CBX6: variants seen among roughly 807,000 people sequenced by gnomAD.
CBX6 encodes chromobox protein homolog 6.
CBX6 carries 7 observed loss-of-function variants against 28.4 expected under a neutral mutation model. The ratio of observed to expected loss-of-function variants is 0.25; its 90% CI spans 0.14 to 0.46. The LOEUF (loss-of-function observed/expected upper bound fraction) is 0.46, where lower values mean the gene tolerates loss of function less well. Among genes scored for constraint, CBX6 ranks in the 20% least tolerant of loss-of-function variants. The pLI, the probability that CBX6 is intolerant of heterozygous loss-of-function variation, is 0.99. For synonymous variants in CBX6, 297 were observed against 273.4 expected, an observed-to-expected ratio of 1.09 and a Z score of -0.85; for missense variants, 512 against 606.1, an observed-to-expected ratio of 0.84 and a Z score of 1.63.
Position 38,865,938 on chromosome 22 carries a change from G to A in CBX6, c.*271C>T. 7.8e-6 allele frequency: 4 copies of A among 511,814 alleles called. No homozygotes were observed. The highest frequency in any genetic ancestry group is 5.8e-5 in the South Asian group (2 of 34,626). 31.7% of individuals were successfully genotyped at this position (511,814 alleles called of 1,614,324 possible). A position where few individuals can be genotyped will look rare whatever the true frequency, so the allele number is the denominator to read the frequency against. On this transcript the variant is annotated 3_prime_UTR_variant, in exon 5 of 5. Coordinates refer to ENST00000407418, the MANE Select transcript of CBX6 (RefSeq NM_014292.5). ...CAGGTGGGATGTGGAAGGGGCAGAG[G>A]AACCCTAGTTTCTAGGGCTTTCCAG...
At position 38,871,364 on chromosome 22, in the gene CBX6, T is replaced by A. The variant is rs1436090060; in HGVS notation, c.246+116A>T. On this transcript the variant is annotated intron_variant, in intron 4 of 4. Coordinates refer to ENST00000407418, the MANE Select transcript of CBX6 (RefSeq NM_014292.5). The surrounding 1 kb of genome is among the most constrained non-coding windows in gnomAD (Gnocchi z 5.6). ...CCACCCCCTGCCCAGCTGGGGCCCC[T>A]CTGAAAAGGCCGGCCCGCTTGGGCG... is the stretch of plus-strand genomic sequence containing the variant. 1 of 1,065,650 alleles carries A rather than the reference T, an allele frequency of 9.4e-7. No individual in the cohort carries two copies. The highest frequency in any genetic ancestry group is 1.4e-6 in the Non-Finnish European group (1 of 730,334). The allele number at this position is 1,065,650 out of a possible 1,614,324, so 66.0% of individuals were successfully genotyped here. A position where few individuals can be genotyped will look rare whatever the true frequency, so the allele number is the denominator to read the frequency against.
chr22:38,871,781 A>G lies in CBX6; in HGVS notation c.114-24T>C. The G allele has an allele frequency of 6.2e-7, 1 of 1,604,256 alleles. No individual in the cohort carries two copies. The highest frequency in any genetic ancestry group is 8.5e-7 in the Non-Finnish European group (1 of 1,173,726). On this transcript the variant is annotated intron_variant, in intron 2 of 4. Coordinates refer to ENST00000407418, the MANE Select transcript of CBX6 (RefSeq NM_014292.5). The surrounding 1 kb of genome is among the most constrained non-coding windows in gnomAD (Gnocchi z 5.6). ...ACCTGCCGAGTCACAAACGCACAAA[A>G]TCAGGATGAAGACCAGAGAGGGACA...
Position 38,865,946 on chromosome 22 carries a change from G to A in CBX6, c.*263C>T. On this transcript the variant is annotated 3_prime_UTR_variant, in exon 5 of 5. Transcript: ENST00000407418. ...ATGTGGAAGGGGCAGAGGAACCCTAGTTTCTAGGGCTTTCCAGAAACCACC... is the reference window on the plus strand; with the variant it reads ...ATGTGGAAGGGGCAGAGGAACCCTAATTTCTAGGGCTTTCCAGAAACCACC... 1 of 522,598 alleles carries A rather than the reference G, an allele frequency of 1.9e-6. No individual in the cohort carries two copies. Among genetic ancestry groups the A allele is most frequent in the Non-Finnish European group, 3.4e-6 (1 of 295,786 alleles). The allele number at this position is 522,598 out of a possible 1,614,324, so 32.4% of individuals were successfully genotyped here. A position where few individuals can be genotyped will look rare whatever the true frequency, so the allele number is the denominator to read the frequency against.
Position 38,866,882 on chromosome 22 carries a change from C to T in CBX6, c.566G>A (p.Gly189Asp), listed in dbSNP as rs775344575. Residue 189 changes from glycine to aspartate, a missense_variant, in exon 5 of 5, where the codon GGC (glycine) becomes GAC (aspartate). By Grantham distance (94) the Gly-to-Asp change is moderately conservative (BLOSUM62 -1). Coordinates refer to ENST00000407418, the MANE Select transcript of CBX6 (RefSeq NM_014292.5). This position sits in a 1 kb window ranked among gnomAD's most constrained non-coding sequence, Gnocchi z 7.5. ...CAGCGCCCCGGCCCCCTGCCCGGCG[C>T]CCCCGCCGCCAGCGCCCTTGTCGAT... Reference protein sequence around the residue: ...KVIDKGAGGGGAGQGAGALAR... With the variant: ...KVIDKGAGGGDAGQGAGALAR... 5.0e-6 allele frequency: 8 copies of T among 1,597,094 alleles called. No homozygotes were observed. The highest frequency in any genetic ancestry group is 2.2e-5 in the East Asian group (1 of 44,662).
intron 4 of CBX6, 139 bp from the exon 5 acceptor site, chr22:38,867,340 G>C: frequency 1.3e-6 from 1 of 770,338 alleles, no homozygotes; most frequent in South Asian, 1.9e-5. Context: ...TGGTCTTCAT[G>C]ACCTCGACTT....
chr22:38,871,487 A>G lies in CBX6; in HGVS notation c.239T>C (p.Leu80Pro). ...GGGGCTGGGCCAGGTTACCTTCAGGAGGAAAGTTTTGGGTTTGGGTCCCCT... is the reference window on the plus strand; with the variant it reads ...GGGGCTGGGCCAGGTTACCTTCAGGGGGAAAGTTTTGGGTTTGGGTCCCCT... ...KKRGPKPKTF[L>P]LKARAQAEAL... Residue 80 changes from leucine (L) to proline (P), a missense_variant, in exon 4 of 5, where the codon CTC (leucine) becomes CCC (proline). Physicochemically the swap from Leu to Pro is moderately conservative, Grantham distance 98. Transcript: ENST00000407418. The surrounding 1 kb of genome is among the most constrained non-coding windows in gnomAD (Gnocchi z 5.6). 6.2e-7 allele frequency: 1 copy of G among 1,610,738 alleles called. No individual in the cohort carries two copies. The highest frequency in any genetic ancestry group is 8.5e-7 in the Non-Finnish European group (1 of 1,178,720).
Position 38,866,837 on chromosome 22 carries a change from G to A in CBX6, c.611C>T (p.Ser204Leu), listed in dbSNP as rs1456994775. The change falls in exon 5 of 5, where the codon TCG becomes TTG. Residue 204 changes from serine to leucine, a missense_variant. Ser to Leu is a moderately radical substitution (Grantham distance 145). Transcript: ENST00000407418. The surrounding 1 kb of genome is among the most constrained non-coding windows in gnomAD (Gnocchi z 7.5). ...GCTCTTGCCTATAACGCGGTTCCGC[G>A]AGGGGACTTTGGGGCGGGCCAGCGC... ...AGALARPKVP[S>L]RNRVIGKSKK... 2.5e-6 allele frequency: 4 copies of A among 1,611,954 alleles called. No individual in the cohort carries two copies. Among genetic ancestry groups the A allele is most frequent in the Non-Finnish European group, 3.4e-6 (4 of 1,179,154 alleles).
chr22:38,872,150 T>C lies in CBX6; in HGVS notation c.41A>G (p.Glu14Gly). ...TCGGATCCGCCGTTTGATGATGGAT[T>C]CGGCCGCGAAGACCCGCTCGCCCAC... The part of the protein sequence containing the change: ...SAVGERVFAA[E>G]SIIKRRIRKG... The change falls in exon 1 of 5, where the codon GAA (glutamate) becomes GGA (glycine). Residue 14 changes from glutamate to glycine, a missense_variant. By Grantham distance (98) the Glu-to-Gly change is moderately conservative. This residue lies in a region of CBX6 where 27 missense variants were observed against 30.9 expected (regional missense o/e 0.87). Coordinates refer to ENST00000407418, the MANE Select transcript of CBX6 (RefSeq NM_014292.5). This position sits in a 1 kb window ranked among gnomAD's most constrained non-coding sequence, Gnocchi z 5.0. The C allele has an allele frequency of 1.4e-6, 2 of 1,427,894 alleles. No homozygotes were observed. Among genetic ancestry groups the C allele is most frequent in the South Asian group, 1.3e-5 (1 of 78,350 alleles). The allele number at this position is 1,427,894 out of a possible 1,614,324, so 88.5% of individuals were successfully genotyped here.
Position 38,862,694 on chromosome 22 carries a change from C to A in CBX6, c.*3515G>T, listed in dbSNP as rs535681340. The A allele has an allele frequency of 1.3e-5, 2 of 152,392 alleles. No homozygotes were observed. The highest frequency in any genetic ancestry group is 4.1e-4 in the South Asian group (2 of 4,830). The allele number at this position is 152,392 out of a possible 1,614,324, so 9.4% of individuals were successfully genotyped here. On this transcript the variant is annotated 3_prime_UTR_variant, in exon 5 of 5. Transcript: ENST00000407418. The stretch of plus-strand genomic sequence containing the variant: ...GCTGGTAGCAGTCCAGCCCCCTGGC[C>A]AACCCAGCTCCCTGTTGGGGCTGAC...
rs777353377 is a variant in CBX6 at position 38,871,381 on chromosome 22, G to A, written c.246+99C>T. On this transcript the variant is annotated intron_variant, in intron 4 of 4. Transcript: ENST00000407418. The surrounding 1 kb of genome is among the most constrained non-coding windows in gnomAD (Gnocchi z 5.6). ...GGGGCCCCTCTGAAAAGGCCGGCCC[G>A]CTTGGGCGGCCGCGTATCTGTCCCT... 4.7e-6 allele frequency: 6 copies of A among 1,280,996 alleles called. No individual in the cohort carries two copies. Among genetic ancestry groups the A allele is most frequent in the African/African-American group, 1.5e-5 (1 of 66,962 alleles). 79.4% of individuals were successfully genotyped at this position (1,280,996 alleles called of 1,614,324 possible). A position where few individuals can be genotyped will look rare whatever the true frequency, so the allele number is the denominator to read the frequency against.
Position 38,866,183 on chromosome 22 carries a change from A to G in CBX6, c.*26T>C. ...TGACTTCGGGCAGGAGGGCCCCCCC[A>G]AGCCCCCCTCCTTGGTGGAGCCCCC... On this transcript the variant is annotated 3_prime_UTR_variant, in exon 5 of 5. Coordinates refer to ENST00000407418, the MANE Select transcript of CBX6 (RefSeq NM_014292.5). The surrounding 1 kb of genome is among the most constrained non-coding windows in gnomAD (Gnocchi z 7.5). 6.7e-7 allele frequency: 1 copy of G among 1,489,770 alleles called. No individual in the cohort carries two copies. Among genetic ancestry groups the G allele is most frequent in the South Asian group, 1.2e-5 (1 of 83,220 alleles). The allele number at this position is 1,489,770 out of a possible 1,614,324, so 92.3% of individuals were successfully genotyped here. A position where few individuals can be genotyped will look rare whatever the true frequency, so the allele number is the denominator to read the frequency against.
Position 38,867,097 on chromosome 22 carries a change from G to C in CBX6, c.351C>G (p.His117Gln). The C allele has an allele frequency of 6.3e-7, 1 of 1,596,326 alleles. No homozygotes were observed. The highest frequency in any genetic ancestry group is 8.5e-7 in the Non-Finnish European group (1 of 1,173,698). ...SPKLHSSAAV[H>Q]RLKKDIRRCH... Reference sequence around the variant, plus strand: ...AGCGGCGGATGTCCTTCTTGAGCCGGTGCACGGCTGCGCTGGAGTGCAGCT... The same window carrying C: ...AGCGGCGGATGTCCTTCTTGAGCCGCTGCACGGCTGCGCTGGAGTGCAGCT... Residue 117 changes from histidine (H) to glutamine (Q), a missense_variant, in exon 5 of 5, where the codon CAC (histidine) becomes CAG (glutamine). Transcript: ENST00000407418.
chr22:38,867,842 G>C (rs2093174284), intron 4 of CBX6, among the ~76,000 whole-genome samples: 1 of 152,248 alleles, frequency 6.6e-6, no homozygotes, highest in Non-Finnish European at 1.5e-5. Context: ...CCAGTGCCTG[G>C]CTCAGAGTGA....
Position 38,866,403 on chromosome 22 carries a change from C to G in CBX6, c.1045G>C (p.Ala349Pro). 1 of 1,612,748 alleles carries G rather than the reference C, an allele frequency of 6.2e-7. No individual in the cohort carries two copies. Among genetic ancestry groups the G allele is most frequent in the African/African-American group, 1.3e-5 (1 of 75,044 alleles). The change falls in exon 5 of 5, where the codon GCC (alanine) becomes CCC (proline). Residue 349 changes from alanine to proline, a missense_variant. Coordinates refer to ENST00000407418, the MANE Select transcript of CBX6 (RefSeq NM_014292.5). The surrounding 1 kb of genome is among the most constrained non-coding windows in gnomAD (Gnocchi z 7.5). ...APPTAPEPAG[A>P]SSEPEAGDWR... ...TCCCCAGCCTCGGGCTCGGAGGAGGCACCGGCGGGCTCAGGGGCCGTGGGA... is the reference window on the plus strand; with the variant it reads ...TCCCCAGCCTCGGGCTCGGAGGAGGGACCGGCGGGCTCAGGGGCCGTGGGA...
Position 38,866,187 on chromosome 22 carries a change from C to A in CBX6, c.*22G>T, listed in dbSNP as rs1004465580. On this transcript the variant is annotated 3_prime_UTR_variant, in exon 5 of 5. Coordinates refer to ENST00000407418, the MANE Select transcript of CBX6 (RefSeq NM_014292.5). The surrounding 1 kb of genome is among the most constrained non-coding windows in gnomAD (Gnocchi z 7.5). The stretch of plus-strand genomic sequence containing the variant: ...TTCGGGCAGGAGGGCCCCCCCAAGC[C>A]CCCCTCCTTGGTGGAGCCCCCTCAC... 12 of 1,535,070 alleles carry A rather than the reference C, an allele frequency of 7.8e-6. No homozygotes were observed. The highest frequency in any genetic ancestry group is 1.1e-5 in the Non-Finnish European group (12 of 1,124,066).
In CBX6 at chr22:38,865,980, T is replaced by G; in HGVS notation, c.*229A>C. Reference sequence around the variant, plus strand: ...GCTTTCCAGAAACCACCCAGTGGGCTACCATGCATGGGCAGGGGGTGTGCC... The same window carrying G: ...GCTTTCCAGAAACCACCCAGTGGGCGACCATGCATGGGCAGGGGGTGTGCC... On this transcript the variant is annotated 3_prime_UTR_variant, in exon 5 of 5. Coordinates refer to ENST00000407418, the MANE Select transcript of CBX6 (RefSeq NM_014292.5). 1 of 570,390 alleles carries G rather than the reference T, an allele frequency of 1.8e-6. No individual in the cohort carries two copies. Among genetic ancestry groups the G allele is most frequent in the East Asian group, 2.9e-5 (1 of 34,530 alleles). 35.3% of individuals were successfully genotyped at this position (570,390 alleles called of 1,614,324 possible).
rs1408726577 is a variant in CBX6, at chr22:38,866,153, G to C, written c.*56C>G. 5 of 1,256,752 alleles carry C rather than the reference G, an allele frequency of 4.0e-6. No individual in the cohort carries two copies. In the South Asian group the frequency reaches 5.5e-5, roughly 14 times the overall value. 77.9% of individuals were successfully genotyped at this position (1,256,752 alleles called of 1,614,324 possible). On this transcript the variant is annotated 3_prime_UTR_variant, in exon 5 of 5. Transcript: ENST00000407418. The surrounding 1 kb of genome is among the most constrained non-coding windows in gnomAD (Gnocchi z 7.5). Reference sequence around the variant, plus strand: ...GGGGGCAAGGGTGGGGTGGGAGCAAGAGTATGACTTCGGGCAGGAGGGCCC... The same window carrying C: ...GGGGGCAAGGGTGGGGTGGGAGCAACAGTATGACTTCGGGCAGGAGGGCCC...
rs1350618685 is a variant in CBX6 at position 38,862,426 on chromosome 22, C to T, written c.*3783G>A. On this transcript the variant is annotated 3_prime_UTR_variant, in exon 5 of 5. Transcript: ENST00000407418. ...TTTAAAAGTGTTTCCTCAAACCATC[C>T]CCGTCCCAAAGAGGCCGCCTTGGGC... The T allele has an allele frequency of 6.7e-6, 1 of 149,932 alleles. No homozygotes were observed. The highest frequency in any genetic ancestry group is 1.5e-5 in the Non-Finnish European group (1 of 67,710). The allele number at this position is 149,932 out of a possible 1,614,324, so 9.3% of individuals were successfully genotyped here. A position where few individuals can be genotyped will look rare whatever the true frequency, so the allele number is the denominator to read the frequency against.
rs1208590026 is a variant in CBX6, at chr22:38,866,996, G to A, written c.452C>T (p.Ser151Leu). 1.2e-6 allele frequency: 2 copies of A among 1,607,688 alleles called. No homozygotes were observed. The highest frequency in any genetic ancestry group is 1.7e-6 in the Non-Finnish European group (2 of 1,178,258). ...GGSPGLRPPISPFSETVRIIN... is the reference protein window; with the variant it reads ...GGSPGLRPPILPFSETVRIIN... ...GATGCGCACCGTCTCCGAGAAGGGC[G>A]AAATGGGCGGGCGCAGTCCGGGGCT... Residue 151 changes from serine (S) to leucine (L), a missense_variant, in exon 5 of 5, where the codon TCG (serine) becomes TTG (leucine). Coordinates refer to ENST00000407418, the MANE Select transcript of CBX6 (RefSeq NM_014292.5). The surrounding 1 kb of genome is among the most constrained non-coding windows in gnomAD (Gnocchi z 7.5).
Sources: gnomAD v4.1 joint callset for allele counts (sites outside exome capture counted in the v4.1 genomes callset) on GRCh38, gnomAD v4.1.1 for gene constraint, gnomAD v4.1.1 regional missense constraint, Gnocchi (gnomAD v3.1) non-coding constraint, MANE v1.5 for transcripts, NCBI Gene and HGNC (gene_info 2026-07-23, HGNC 2026-07-21) for gene names.